Variants in SEC61A1 observed in about 807,000 individuals in gnomAD.
The protein encoded by SEC61A1 is SEC61 translocon subunit alpha 1.
SEC61A1 carries 15 observed loss-of-function variants against 55.2 expected under a neutral mutation model. The observed-to-expected ratio is 0.27, with a 90% CI of 0.18 to 0.42. SEC61A1 has a LOEUF of 0.42. Ranked by LOEUF, SEC61A1 falls within the 10% of genes least tolerant of loss-of-function variation. SEC61A1 has a pLI of 1.00. For synonymous variants in SEC61A1, 247 were observed against 234.0 expected, an observed-to-expected ratio of 1.06 and a Z score of -0.51; for missense variants, 284 against 602.6, an observed-to-expected ratio of 0.47 and a Z score of 5.53.
chr3:128,059,517 C>T (rs1432843746), intron 5 of SEC61A1, among the ~76,000 whole-genome samples: 1 of 151,876 alleles, frequency 6.6e-6, no homozygotes, highest in Non-Finnish European at 1.5e-5. Flanking sequence ...AGCTTGGTAC[C>T]TAAGGGAATG....
In SEC61A1 at chr3:128,060,462, C is replaced by T. The variant is rs368420712; in HGVS notation, c.463-46C>T. 2.0e-5 allele frequency: 32 copies of T among 1,596,910 alleles called. No homozygotes were observed. The South Asian group carries it at 2.5e-4, about 12-fold the overall frequency. ...AATTACTGAAGGACGGAACCATGTC[C>T]GTGGGGAGCAGTAACACATAGTCTT... On this transcript the variant is annotated intron_variant, in intron 6 of 11. Coordinates refer to ENST00000243253, the MANE Select transcript of SEC61A1 (RefSeq NM_013336.4).
chr3:128,065,908 A>AT (rs749114427), intron 8 of SEC61A1, among the ~76,000 whole-genome samples: 2 of 150,244 alleles, frequency 1.3e-5, no homozygotes, highest in Non-Finnish European at 3.0e-5. Flanking sequence ...CGCCCGGCTA[A>AT]TTTTTTTTTA....
At chr3:128,057,996 TAATG>T (rs1246229270) in intron 5 of SEC61A1, among the ~76,000 whole-genome samples, 1 of 152,122 alleles carries the variant, frequency 6.6e-6, no homozygotes. Flanking sequence ...ATGGGGATAA[TAATG>T]GTATTTGCCT....
intron 4 of SEC61A1, among the ~76,000 whole-genome samples, chr3:128,055,984 T>C (rs901695694): frequency 6.6e-6 from 1 of 152,226 alleles, no homozygotes; most frequent in African/African-American, 2.4e-5. Context: ...AATGAGAAGA[T>C]AAGTCTATGC....
At chr3:128,055,387 TCTC>T in intron 2 of SEC61A1, 126 bp from the exon 3 acceptor site, 1 of 758,692 alleles carries the variant, frequency 1.3e-6, no homozygotes. Flanking sequence ...TGGTTTGGCT[TCTC>T]TGCTGAACAG....
chr3:128,060,168 C>T lies in SEC61A1; in HGVS notation c.419C>T (p.Pro140Leu). The T allele has an allele frequency of 1.2e-6, 2 of 1,614,116 alleles. No homozygotes were observed. The highest frequency in any genetic ancestry group is 1.7e-6 in the Non-Finnish European group (2 of 1,179,950). ...GTGATGACCGGGATGTATGGGGACCCTTCTGAAATGGGTGCTGGAATTTGC... is the reference window on the plus strand; with the variant it reads ...GTGATGACCGGGATGTATGGGGACCTTTCTGAAATGGGTGCTGGAATTTGC... The part of the protein sequence containing the change: ...VYVMTGMYGD[P>L]SEMGAGICLL... The change falls in exon 6 of 12, where the codon CCT becomes CTT. Residue 140 changes from proline to leucine, a missense_variant. By Grantham distance (98) the Pro-to-Leu change is moderately conservative. Transcript: ENST00000243253.
In SEC61A1 at chr3:128,069,709, G is replaced by A. The variant is rs779854182; in HGVS notation, c.*47G>A. On this transcript the variant is annotated 3_prime_UTR_variant, in exon 12 of 12. Coordinates refer to ENST00000243253, the MANE Select transcript of SEC61A1 (RefSeq NM_013336.4). ...AGGAAGCTGCTCCAGAAGCGCCTCG[G>A]AAGGGGAGCTCTCATCATGGCGCGT... 6.5e-7 allele frequency: 1 copy of A among 1,549,474 alleles called. No homozygotes were observed. The highest frequency in any genetic ancestry group is 2.3e-5 in the East Asian group (1 of 44,412).
At position 128,055,603 on chromosome 3, in the gene SEC61A1, G is replaced by A. The variant is rs199715409; in HGVS notation, c.141+22G>A. ...CCAGGTAAGCTCAGGCTTGTATTTC[G>A]TATTGGGGAGGGGGATAAGAGTGGC... On this transcript the variant is annotated intron_variant, in intron 3 of 11. Transcript: ENST00000243253. The A allele has an allele frequency of 5.9e-5, 95 of 1,611,162 alleles. No homozygotes were observed. The East Asian group carries it at 7.8e-4, about 13-fold the overall frequency.
intron 7 of SEC61A1, 114 bp from the exon 8 acceptor site, chr3:128,064,763 A>G (rs1416580710): frequency 4.8e-6 from 4 of 836,066 alleles, no homozygotes; most frequent in Middle Eastern, 7.3e-4. Flanking sequence ...TATGGGCACC[A>G]TGAGTCTAAT....
upstream of SEC61A1, chr3:128,051,721 G>T: frequency 6.9e-7 from 1 of 1,457,226 alleles, no homozygotes; most frequent in Admixed American, 2.5e-5. Context: ...ATCAAGGCTC[G>T]GCACAAAGGT....
intron 8 of SEC61A1, among the ~76,000 whole-genome samples, chr3:128,066,074 C>T (rs1253751923): frequency 2.6e-5 from 4 of 151,920 alleles, no homozygotes; most frequent in Non-Finnish European, 5.9e-5. Flanking sequence ...CTCTGTATTC[C>T]GAGCCCTGTT....
At position 128,067,816 on chromosome 3, in the gene SEC61A1, T is replaced by C; in HGVS notation, c.1168-167T>C. Reference sequence around the variant, plus strand: ...TGGGTATGAGAATCTGAATCCACACTGTAAAGTTAGACTTTTTCATATGAC... The same window carrying C: ...TGGGTATGAGAATCTGAATCCACACCGTAAAGTTAGACTTTTTCATATGAC... On this transcript the variant is annotated intron_variant, in intron 10 of 11. Coordinates refer to ENST00000243253, the MANE Select transcript of SEC61A1 (RefSeq NM_013336.4). This position sits in a 1 kb window ranked among gnomAD's most constrained non-coding sequence, Gnocchi z 4.1. 1 of 696,732 alleles carries C rather than the reference T, an allele frequency of 1.4e-6. No individual in the cohort carries two copies. The highest frequency in any genetic ancestry group is 2.5e-6 in the Non-Finnish European group (1 of 403,310). The allele number at this position is 696,732 out of a possible 1,614,324, so 43.2% of individuals were successfully genotyped here. A position where few individuals can be genotyped will look rare whatever the true frequency, so the allele number is the denominator to read the frequency against.
At chr3:128,068,124 G>A in intron 11 of SEC61A1, 65 bp downstream of exon 11, 1 of 1,323,146 alleles carries the variant, frequency 7.6e-7, no homozygotes, top group Non-Finnish European at 1.1e-6. Flanking sequence ...TTCCATGCAG[G>A]GCATCCTGAT....
intron 8 of SEC61A1, chr3:128,065,316 T>C (rs1159052537): frequency 1.7e-6 from 1 of 593,256 alleles, no homozygotes; most frequent in Non-Finnish European, 3.0e-6. Context: ...CATTTTTAAG[T>C]TCTTAGTTCA....
At chr3:128,065,151 G>C in intron 8 of SEC61A1, 114 bp downstream of exon 8, 1 of 1,168,388 alleles carries the variant, frequency 8.6e-7, no homozygotes, top group South Asian at 1.2e-5. Context: ...GTGTTGAAAC[G>C]ATGAGATGGT....
chr3:128,058,209 T>TTC (rs1279679800), intron 5 of SEC61A1, among the ~76,000 whole-genome samples: 3 of 135,224 alleles, frequency 2.2e-5, no homozygotes, highest in Admixed American at 7.3e-5. Context: ...CTATTTTTTT[T>TTC]TTTTTTTTTT....
intron 7 of SEC61A1, among the ~76,000 whole-genome samples, chr3:128,063,670 C>A (rs954535436): frequency 1.3e-5 from 2 of 152,142 alleles, no homozygotes; most frequent in Non-Finnish European, 1.5e-5. Context: ...CCTCAGAGTA[C>A]TGATACCATG....
chr3:128,058,843 CTG>C (rs1456145335), intron 5 of SEC61A1, among the ~76,000 whole-genome samples: 1 of 152,052 alleles, frequency 6.6e-6, no homozygotes, highest in Non-Finnish European at 1.5e-5. Flanking sequence ...GCAACAGAGC[CTG>C]TCTCTTAAAA....
intron 4 of SEC61A1, among the ~76,000 whole-genome samples, chr3:128,055,963 A>G (rs935217525): frequency 6.6e-6 from 1 of 152,260 alleles, no homozygotes; most frequent in East Asian, 1.9e-4. Flanking sequence ...TGAATGCAGT[A>G]CAAAACCTGT....
Sources: allele counts gnomAD v4.1 joint callset (sites outside exome capture counted in the v4.1 genomes callset), GRCh38; gene constraint gnomAD v4.1.1; non-coding constraint Gnocchi (gnomAD v3.1); transcripts MANE v1.5; gene names NCBI Gene and HGNC (gene_info 2026-07-23, HGNC 2026-07-21).